Variants in HDAC9 observed in about 807,000 individuals in gnomAD.
The protein encoded by HDAC9 is histone deacetylase 9, also known as MEF-2 interacting transcription repressor (MITR) protein.
Under a neutral mutation model 139.4 loss-of-function variants are expected in HDAC9, and 41 were observed. The observed-to-expected ratio is 0.29, with a 90% CI of 0.23 to 0.38. The LOEUF (loss-of-function observed/expected upper bound fraction) is 0.38. HDAC9 is among the 10% of genes least tolerant of loss of function. The pLI is 1.00. For missense variants in HDAC9, 1,147 were observed against 1,297.0 expected (o/e 0.88, Z 1.78); for synonymous variants, 517 against 476.2 (o/e 1.09, Z -1.12).
chr7:18,941,600 A>T (rs916970040), intron 23 of HDAC9, among the ~76,000 whole-genome samples: 1 of 152,168 alleles, frequency 6.6e-6, no homozygotes, highest in African/African-American at 2.4e-5. Context: ...AATCTGGGAA[A>T]GCTTACAAGC....
At chr7:18,975,657 A>T in intron 24 of HDAC9, 149 bp from the exon 25 acceptor site, 1 of 718,668 alleles carries the variant, frequency 1.4e-6, no homozygotes, top group African/African-American at 1.8e-5. Flanking sequence ...AAAAAGACCC[A>T]ATCATAACAG....
At chr7:18,899,897 A>G (rs1801542598) in intron 22 of HDAC9, among the ~76,000 whole-genome samples, 1 of 152,124 alleles carries the variant, frequency 6.6e-6, no homozygotes, top group Non-Finnish European at 1.5e-5. Context: ...TCAAATTTCT[A>G]TTCTCACAAA....
intron 1 of HDAC9, among the ~76,000 whole-genome samples, chr7:18,300,784 G>A (rs58946699): frequency 6.6e-6 from 1 of 152,058 alleles, no homozygotes; most frequent in Non-Finnish European, 1.5e-5. Context: ...AATAAATTTT[G>A]CATATATTCT....
intron 1 of HDAC9, among the ~76,000 whole-genome samples, chr7:18,109,466 A>C (rs1334312895): frequency 6.6e-6 from 1 of 152,154 alleles, no homozygotes; most frequent in Non-Finnish European, 1.5e-5. Context: ...TGGGATGTAA[A>C]CCCCACAACA....
chr7:18,139,036 T>G (rs1158138882), intron 1 of HDAC9, among the ~76,000 whole-genome samples: 1 of 152,152 alleles, frequency 6.6e-6, no homozygotes. Flanking sequence ...TTTTAAATGA[T>G]TCATTCTAGA....
intron 2 of HDAC9, chr7:18,543,669 A>C (rs1295821558): frequency 1.3e-5 from 2 of 152,270 alleles, no homozygotes; most frequent in East Asian, 3.9e-4. Flanking sequence ...CTTGGTGAAC[A>C]AAAAGGTAAA....
chr7:18,339,269 C>T (rs1011307311), intron 1 of HDAC9, among the ~76,000 whole-genome samples: 3 of 151,026 alleles, frequency 2.0e-5, no homozygotes, highest in Non-Finnish European at 4.4e-5. Context: ...TACTGATTTC[C>T]ACTCTGATCT....
At chr7:18,532,109 G>A (rs1349811816) in intron 2 of HDAC9, among the ~76,000 whole-genome samples, 1 of 152,042 alleles carries the variant, frequency 6.6e-6, no homozygotes, top group Admixed American at 6.6e-5. Context: ...TATTATCTGG[G>A]CATGGTGGTG....
chr7:18,632,677 C>T (rs1782699423), intron 7 of HDAC9, among the ~76,000 whole-genome samples: 1 of 152,010 alleles, frequency 6.6e-6, no homozygotes, highest in Non-Finnish European at 1.5e-5. Context: ...AGCAGAGGGA[C>T]ATGGTGTGAG....
chr7:18,641,906 A>T (rs908037056), intron 8 of HDAC9, among the ~76,000 whole-genome samples: 15 of 152,136 alleles, frequency 9.9e-5, no homozygotes, highest in Non-Finnish European at 2.1e-4. Context: ...TCTTATTAAG[A>T]GATAAACGTG....
At chr7:18,418,190 A>C (rs1221839460) in intron 1 of HDAC9, among the ~76,000 whole-genome samples, 1 of 152,170 alleles carries the variant, frequency 6.6e-6, no homozygotes, top group East Asian at 1.9e-4. Context: ...TTCAGGCAGA[A>C]GGGTAAATTC....
rs192465244 is a variant in HDAC9 at position 18,183,624 on chromosome 7, C to T, written c.25+21275C>T. On this transcript the variant is annotated intron_variant, in intron 2 of 12. Coordinates refer to the HDAC9 transcript ENST00000417496. ...TGGCAGAACACTTCACTACTTTTGT[C>T]ATTTTAAACAGTTTCTTTAATTTAA... Among the ~76,000 whole-genome samples, 7 of 152,272 alleles carry T rather than the reference C, an allele frequency of 4.6e-5. No homozygotes were observed. The South Asian group carries it at 1.0e-3, about 23-fold the overall frequency.
At chr7:18,567,621 A>C (rs1000798369) in intron 2 of HDAC9, among the ~76,000 whole-genome samples, 15 of 152,170 alleles carry the variant, frequency 9.9e-5, no homozygotes, top group African/African-American at 3.6e-4. Flanking sequence ...TGTATTTCCT[A>C]TGATTTTGGG....
chr7:18,184,583 C>T (rs1034609277), intron 2 of HDAC9, among the ~76,000 whole-genome samples: 9 of 152,228 alleles, frequency 5.9e-5, no homozygotes, highest in Non-Finnish European at 8.8e-5. Flanking sequence ...GGAATTTCCA[C>T]GTGTGGCATC....
At chr7:18,118,526 G>C (rs1784163137) in intron 1 of HDAC9, among the ~76,000 whole-genome samples, 1 of 151,918 alleles carries the variant, frequency 6.6e-6, no homozygotes, top group Non-Finnish European at 1.5e-5. Context: ...TTATTTTCTA[G>C]CTTGCTTGAC....
intron 12 of HDAC9, among the ~76,000 whole-genome samples, chr7:18,702,562 A>G (rs1783576429): frequency 1.3e-5 from 2 of 152,208 alleles, no homozygotes; most frequent in Admixed American, 6.5e-5. Flanking sequence ...ACTTTGGGAC[A>G]ACCATAATGC....
intron 2 of HDAC9, among the ~76,000 whole-genome samples, chr7:18,535,069 G>A (rs541498799): frequency 1.8e-4 from 27 of 152,054 alleles, no homozygotes; most frequent in African/African-American, 4.1e-4. Context: ...CAGTTACTTC[G>A]GGTTGTGCTT....
intron 2 of HDAC9, among the ~76,000 whole-genome samples, chr7:18,512,580 C>T (rs1225510110): frequency 6.6e-6 from 1 of 152,040 alleles, no homozygotes; most frequent in African/African-American, 2.4e-5. Context: ...GTTTTTAAAA[C>T]AGTTTTTTAA....
intron 2 of HDAC9, among the ~76,000 whole-genome samples, chr7:18,566,711 G>A (rs113084536): frequency 3.9e-5 from 6 of 152,262 alleles, no homozygotes; most frequent in African/African-American, 9.6e-5. Flanking sequence ...CATTGACAAG[G>A]TATTGGGCAT....
Sources: gnomAD v4.1 joint callset for allele counts (sites outside exome capture counted in the v4.1 genomes callset) on GRCh38, gnomAD v4.1.1 for gene constraint, MANE v1.5 for transcripts, NCBI Gene and HGNC (gene_info 2026-07-23, HGNC 2026-07-21) for gene names.